Variants in SCAF4 observed in about 807,000 individuals in gnomAD.
The protein encoded by SCAF4 is SR-related and CTD-associated factor 4.
SCAF4 carries 25 observed loss-of-function variants against 129.8 expected under a neutral mutation model. The observed-to-expected ratio is 0.19, with a 90% confidence interval of 0.14 to 0.27. The LOEUF is 0.27. Among genes scored for constraint, SCAF4 ranks in the 10% least tolerant of loss-of-function variants. The pLI, the probability that SCAF4 is intolerant of heterozygous loss-of-function variation, is 1.00. For missense variants in SCAF4, 1,246 were observed against 1,457.1 expected (o/e 0.86, Z 2.36); for synonymous variants, 551 against 497.7 (o/e 1.11, Z -1.43).
rs898115005 is a variant in SCAF4, at chr21:31,685,056, T to C, written c.2481A>G (p.Ser827=). 4.4e-6 allele frequency: 7 copies of C among 1,598,136 alleles called. No homozygotes were observed. The highest frequency in any genetic ancestry group is 6.0e-6 in the Non-Finnish European group (7 of 1,169,792). Residue 827 remains serine (S), a synonymous_variant, in exon 19 of 20, where the codon TCA becomes TCG. Transcript: ENST00000286835. ...TAAAAAAAAATAACTTACCAAGAAG[T>C]GAAACAGGCTGGGTTACAGGAGGGG... ...LPTPPVTQPV[S]LLGTQGVAPG... is the part of the protein sequence containing the mutation.
chr21:31,701,683 C>T, intron 6 of SCAF4, 93 bp downstream of exon 6: 1 of 1,341,300 alleles, frequency 7.5e-7, no homozygotes, highest in Non-Finnish European at 1.0e-6. Context: ...GTATTTTCTC[C>T]TTTCAATGTG....
chr21:31,708,023 CTTCA>C (rs1026487621), intron 1 of SCAF4, among the ~76,000 whole-genome samples: 2 of 152,174 alleles, frequency 1.3e-5, no homozygotes, highest in African/African-American at 4.8e-5. Context: ...CATTGTATTA[CTTCA>C]TTTACCAATG....
rs746522708 is a variant in SCAF4, at chr21:31,691,812, T to C, written c.1728+5A>G. 3 of 1,522,202 alleles carry C rather than the reference T, an allele frequency of 2.0e-6. No homozygotes were observed. Among genetic ancestry groups the C allele is most frequent in the Non-Finnish European group, 2.7e-6 (3 of 1,109,006 alleles). 94.3% of individuals were successfully genotyped at this position (1,522,202 alleles called of 1,614,324 possible). ...AAAAATTAATTATAACATGTAAGAC[T>C]GTACCTTTATGGATTTCTGGTTCAC... On this transcript the variant is annotated splice_donor_5th_base_variant and intron_variant, in intron 14 of 19. Coordinates refer to ENST00000286835, the MANE Select transcript of SCAF4 (RefSeq NM_020706.2).
chr21:31,679,698 T>C (rs1254439958), intron 19 of SCAF4, among the ~76,000 whole-genome samples: 1 of 152,188 alleles, frequency 6.6e-6, no homozygotes. Flanking sequence ...GACTCATCTA[T>C]TTTTGGCATA....
In SCAF4 at chr21:31,731,862, G is replaced by A; in HGVS notation, c.-170C>T. On this transcript the variant is annotated 5_prime_UTR_variant, in exon 1 of 20. Coordinates refer to ENST00000286835, the MANE Select transcript of SCAF4 (RefSeq NM_020706.2). The stretch of plus-strand genomic sequence containing the variant: ...TGCGCCCGAAGCGGCGAGGCGGGCG[G>A]CCGAGGCAGAGGCGGAGAGGTGGCG... The A allele has an allele frequency of 3.0e-6, 2 of 673,804 alleles. No individual in the cohort carries two copies. The highest frequency in any genetic ancestry group is 4.5e-6 in the Non-Finnish European group (2 of 443,488). 41.7% of individuals were successfully genotyped at this position (673,804 alleles called of 1,614,324 possible).
rs2123451394 is a variant in SCAF4 at position 31,672,098 on chromosome 21, A to G, written c.2745T>C (p.Phe915=). Residue 915 remains phenylalanine, a synonymous_variant, in exon 20 of 20, where the codon TTT becomes TTC. Transcript: ENST00000286835. ...GCCCTGGCATTCCACCAGGCCTAAC[A>G]AAGGGGCCATGCGGTGGGAAGGGAC... ...MKGPFPPHGP[F]VRPGGMPGLG... The G allele has an allele frequency of 6.2e-7, 1 of 1,613,078 alleles. No homozygotes were observed. Among genetic ancestry groups the G allele is most frequent in the Non-Finnish European group, 8.5e-7 (1 of 1,179,188 alleles).
intron 1 of SCAF4, among the ~76,000 whole-genome samples, chr21:31,721,848 G>A (rs978049250): frequency 3.1e-4 from 47 of 151,346 alleles, no homozygotes; most frequent in African/African-American, 1.1e-3. Context: ...TGCCTCCTGA[G>A]TAGCTGGGAT....
chr21:31,722,087 C>CT (rs781035192), intron 1 of SCAF4, among the ~76,000 whole-genome samples: 3 of 152,162 alleles, frequency 2.0e-5, no homozygotes, highest in Admixed American at 1.3e-4. Context: ...TGGCAATACT[C>CT]TTTAAGTTTT....
At chr21:31,696,028 T>C (rs896084699) in intron 9 of SCAF4, 85 bp downstream of exon 9, 30 of 821,426 alleles carry the variant, frequency 3.7e-5, no homozygotes, top group African/African-American at 2.4e-4. Flanking sequence ...GCCAATTACA[T>C]AGCTGCAGAG....
chr21:31,724,542 G>A (rs1296799730), intron 1 of SCAF4, among the ~76,000 whole-genome samples: 5 of 152,128 alleles, frequency 3.3e-5, no homozygotes, highest in Non-Finnish European at 7.4e-5. Flanking sequence ...AACACTAAAG[G>A]TTCATTACTG....
intron 18 of SCAF4, 75 bp downstream of exon 18, chr21:31,685,323 C>T (rs1601193319): frequency 2.0e-6 from 3 of 1,494,756 alleles, no homozygotes; most frequent in Non-Finnish European, 2.8e-6. Context: ...ACTATAGATC[C>T]TATTACCGCT....
Position 31,731,776 on chromosome 21 carries a change from G to C in SCAF4, c.-84C>G. 2 of 1,435,184 alleles carry C rather than the reference G, an allele frequency of 1.4e-6. No individual in the cohort carries two copies. 88.9% of individuals were successfully genotyped at this position (1,435,184 alleles called of 1,614,324 possible). On this transcript the variant is annotated 5_prime_UTR_variant, in exon 1 of 20. Coordinates refer to ENST00000286835, the MANE Select transcript of SCAF4 (RefSeq NM_020706.2). Reference sequence around the variant, plus strand: ...GCGGAGCGGGGCTGGGAAACCAGCCGGGCCTGGTGGCCGGGGGGAGGCGAC... The same window carrying C: ...GCGGAGCGGGGCTGGGAAACCAGCCCGGCCTGGTGGCCGGGGGGAGGCGAC...
intron 7 of SCAF4, among the ~76,000 whole-genome samples, chr21:31,700,046 GA>G (rs1275678053): frequency 6.6e-6 from 1 of 151,644 alleles, no homozygotes; most frequent in African/African-American, 2.4e-5. Flanking sequence ...CTGCAGCTTT[GA>G]ATTCCTGGGG....
intron 3 of SCAF4, among the ~76,000 whole-genome samples, chr21:31,704,199 C>A (rs1229120595): frequency 6.6e-6 from 1 of 152,052 alleles, no homozygotes; most frequent in South Asian, 2.1e-4. Context: ...ATCGACATTA[C>A]TTTACCAATC....
intron 16 of SCAF4, among the ~76,000 whole-genome samples, chr21:31,686,995 G>C (rs1418738754): frequency 6.6e-6 from 1 of 152,170 alleles, no homozygotes. Flanking sequence ...ATTGAATTTT[G>C]CTTAGAACCT....
intron 1 of SCAF4, chr21:31,712,993 A>C: frequency 3.0e-6 from 1 of 335,718 alleles, no homozygotes; most frequent in Non-Finnish European, 4.2e-6. Context: ...TCTCTTAATT[A>C]AAAATCAATT....
chr21:31,718,073 A>T (rs2050982709), intron 1 of SCAF4, among the ~76,000 whole-genome samples: 1 of 151,980 alleles, frequency 6.6e-6, no homozygotes, highest in Admixed American at 6.6e-5. Flanking sequence ...CCTCCCAAGT[A>T]GCTGGGATTA....
chr21:31,710,546 C>T (rs937355880), intron 1 of SCAF4, among the ~76,000 whole-genome samples: 1 of 152,056 alleles, frequency 6.6e-6, no homozygotes, highest in Non-Finnish European at 1.5e-5. Context: ...GAGACTCCGT[C>T]TCCAAAAACA....
At chr21:31,691,986 T>C in intron 13 of SCAF4, 56 bp from the exon 14 acceptor site, 2 of 896,914 alleles carry the variant, frequency 2.2e-6, no homozygotes, top group South Asian at 3.1e-5. Flanking sequence ...AGCAACAAGA[T>C]ACAACACCAA....
Sources: gnomAD v4.1 joint callset for allele counts (sites outside exome capture counted in the v4.1 genomes callset) on GRCh38, gnomAD v4.1.1 for gene constraint, MANE v1.5 for transcripts, NCBI Gene and HGNC (gene_info 2026-07-23, HGNC 2026-07-21) for gene names.